VAT1L: variants seen among roughly 807,000 people sequenced by gnomAD.
VAT1L encodes the protein putative NADPH-dependent quinone oxidoreductase VAT1L.
VAT1L carries 34 observed loss-of-function variants against 44.1 expected under a neutral mutation model. The observed-to-expected ratio is 0.77, with a 90% CI of 0.59 to 1.03. VAT1L has a LOEUF of 1.03. Among genes scored for constraint, VAT1L ranks in the 50% least tolerant of loss-of-function variants. The pLI, the probability that VAT1L is intolerant of heterozygous loss-of-function variation, is 0.00. For missense variants in VAT1L, 615 were observed against 538.8 expected (o/e 1.14, Z -1.40); for synonymous variants, 253 against 202.2 (o/e 1.25, Z -2.13).
chr16:77,812,353 G>A (rs1374077126), intron 1 of VAT1L, among the ~76,000 whole-genome samples: 6 of 152,108 alleles, frequency 3.9e-5, no homozygotes, highest in Admixed American at 2.0e-4. Flanking sequence ...GATTACAGGC[G>A]TGAGCCACCA....
intron 7 of VAT1L, among the ~76,000 whole-genome samples, chr16:77,933,786 T>G (rs1276264773): frequency 6.6e-6 from 1 of 152,096 alleles, no homozygotes; most frequent in Non-Finnish European, 1.5e-5. Flanking sequence ...CAAATACGAC[T>G]GGAGCAAGGA....
intron 7 of VAT1L, among the ~76,000 whole-genome samples, chr16:77,909,095 C>G (rs969510744): frequency 2.6e-5 from 4 of 152,076 alleles, no homozygotes; most frequent in Non-Finnish European, 5.9e-5. Flanking sequence ...TTTATAAGGG[C>G]TGTATTTCAT....
At chr16:77,795,282 G>T (rs1432325015) in intron 1 of VAT1L, among the ~76,000 whole-genome samples, 3 of 142,690 alleles carry the variant, frequency 2.1e-5, no homozygotes, top group Non-Finnish European at 3.1e-5. Flanking sequence ...TACAGTGGGG[G>T]CGGGGGGAAA....
At chr16:77,821,152 T>C (rs1396879651) in intron 2 of VAT1L, among the ~76,000 whole-genome samples, 1 of 152,334 alleles carries the variant, frequency 6.6e-6, no homozygotes, top group East Asian at 1.9e-4. Context: ...TGAGAATCCA[T>C]AAATCAATAA....
In VAT1L at chr16:77,969,152, G is replaced by A. The variant is rs145834911; in HGVS notation, c.1078-2698G>A. ...TTATCTTTAAAGCAAAATTAGGAAT[G>A]CTTCTGTTCTCAAGATATCGAGATA... On this transcript the variant is annotated intron_variant, in intron 7 of 8. Coordinates refer to ENST00000302536, the MANE Select transcript of VAT1L (RefSeq NM_020927.3). 3.3e-3 allele frequency among the ~76,000 whole-genome samples: 496 copies of A among 152,322 alleles called. 1 individual carries two copies. The highest frequency in any genetic ancestry group is 7.5e-3 in the Admixed American group (115 of 15,296).
chr16:77,805,653 G>A (rs1243888940), intron 1 of VAT1L, among the ~76,000 whole-genome samples: 3 of 151,088 alleles, frequency 2.0e-5, no homozygotes, highest in Non-Finnish European at 3.0e-5. Context: ...TTAAAGTTCC[G>A]AGGCAGAGGG....
Position 77,960,432 on chromosome 16 carries a change from A to G in VAT1L, c.1078-11418A>G, listed in dbSNP as rs114536021. Among the ~76,000 whole-genome samples the G allele has an allele frequency of 6.2e-3, 951 of 152,270 alleles. 14 individuals are homozygous for G. Among genetic ancestry groups the G allele is most frequent in the African/African-American group, 0.022 (916 of 41,568 alleles). ...CAGAAACTAGCCACAGTAGGAAGAT[A>G]TTACCCACCCTGGGCCTGAAGGGGC... On this transcript the variant is annotated intron_variant, in intron 7 of 8. Coordinates refer to ENST00000302536, the MANE Select transcript of VAT1L (RefSeq NM_020927.3).
At chr16:77,926,125 C>T (rs955209985) in intron 7 of VAT1L, among the ~76,000 whole-genome samples, 3 of 151,498 alleles carry the variant, frequency 2.0e-5, no homozygotes, top group East Asian at 3.9e-4. Flanking sequence ...TGGTGGCGGG[C>T]GCCTGTAGTC....
At chr16:77,853,328 AGG>A (rs777421769) in intron 3 of VAT1L, among the ~76,000 whole-genome samples, 3 of 152,206 alleles carry the variant, frequency 2.0e-5, no homozygotes, top group Non-Finnish European at 4.4e-5. Flanking sequence ...AGCCTCAACT[AGG>A]AAAAGAGGAA....
chr16:77,911,166 A>G (rs73564430), intron 7 of VAT1L, among the ~76,000 whole-genome samples: 5,317 of 152,324 alleles, frequency 0.035, 312 homozygotes, highest in African/African-American at 0.12. Context: ...CTGATTCACA[A>G]TGAAAAACAT....
chr16:77,947,776 G>A (rs949980115), intron 7 of VAT1L, among the ~76,000 whole-genome samples: 2 of 152,130 alleles, frequency 1.3e-5, no homozygotes, highest in African/African-American at 4.8e-5. Context: ...TGTTTTTGAG[G>A]TGGAGTTTCG....
In VAT1L at chr16:77,896,087, C is replaced by T. The variant is rs186505259; in HGVS notation, c.1077+11285C>T. Reference sequence around the variant, plus strand: ...GACCTCGAATGGAGGGGAGAGGAAACGGGATAGGAGGAATTCCCGCCAACC... The same window carrying T: ...GACCTCGAATGGAGGGGAGAGGAAATGGGATAGGAGGAATTCCCGCCAACC... On this transcript the variant is annotated intron_variant, in intron 7 of 8. Coordinates refer to ENST00000302536, the MANE Select transcript of VAT1L (RefSeq NM_020927.3). 4.7e-3 allele frequency among the ~76,000 whole-genome samples: 709 copies of T among 152,302 alleles called. 4 individuals carry two copies. Among genetic ancestry groups the T allele is most frequent in the Non-Finnish European group, 7.1e-3 (481 of 68,014 alleles).
intron 2 of VAT1L, among the ~76,000 whole-genome samples, chr16:77,823,257 C>T (rs1470866211): frequency 2.0e-5 from 3 of 151,978 alleles, no homozygotes; most frequent in East Asian, 1.9e-4. Flanking sequence ...ATCTTTGGAC[C>T]GATATCTGAA....
chr16:77,901,557 T>A (rs1043213997), intron 7 of VAT1L, among the ~76,000 whole-genome samples: 1 of 152,212 alleles, frequency 6.6e-6, no homozygotes, highest in Non-Finnish European at 1.5e-5. Context: ...ACCTGGGTCC[T>A]ATCAAGTGCC....
chr16:77,791,308 A>G (rs3909913), intron 1 of VAT1L, among the ~76,000 whole-genome samples: 79,454 of 152,018 alleles, frequency 0.52, 21,870 homozygotes, highest in Non-Finnish European at 0.6. Context: ...TTGTCATAAT[A>G]GGATATGCTT....
At chr16:77,823,955 G>A (rs1370513997) in intron 2 of VAT1L, among the ~76,000 whole-genome samples, 2 of 152,170 alleles carry the variant, frequency 1.3e-5, no homozygotes, top group African/African-American at 4.8e-5. Context: ...CCTGGGAGGC[G>A]GAGGTTGCAT....
In VAT1L at chr16:77,946,080, G is replaced by C. The variant is rs191846335; in HGVS notation, c.1078-25770G>C. Among the ~76,000 whole-genome samples, 10 of 151,922 alleles carry C rather than the reference G, an allele frequency of 6.6e-5. No homozygotes were observed. The East Asian group carries it at 1.8e-3, about 27-fold the overall frequency. On this transcript the variant is annotated intron_variant, in intron 7 of 8. Transcript: ENST00000302536. ...CTCCCAAAGTGCTAGGATTACAGGC[G>C]TGAGCTACCACACCCGGCCAGGGCT...
chr16:77,896,738 C>A (rs2017328881), intron 7 of VAT1L, among the ~76,000 whole-genome samples: 2 of 152,342 alleles, frequency 1.3e-5, no homozygotes, highest in South Asian at 4.1e-4. Context: ...CAGCGTGTTG[C>A]AGAATTAGGC....
In VAT1L at chr16:77,978,745, T is replaced by C. The variant is rs1426120675; in HGVS notation, c.*1050T>C. ...CAGATGTACAGTTCCTCCCCTCCCA[T>C]ATATAAACCCCGGTGTAGAATCTGC... On this transcript the variant is annotated 3_prime_UTR_variant, in exon 9 of 9. Coordinates refer to ENST00000302536, the MANE Select transcript of VAT1L (RefSeq NM_020927.3). 6.6e-6 allele frequency: 1 copy of C among 152,174 alleles called. No homozygotes were observed. The highest frequency in any genetic ancestry group is 6.5e-5 in the Admixed American group (1 of 15,274). 9.4% of individuals were successfully genotyped at this position (152,174 alleles called of 1,614,324 possible).
Sources: gnomAD v4.1 joint callset for allele counts (sites outside exome capture counted in the v4.1 genomes callset) on GRCh38, gnomAD v4.1.1 for gene constraint, MANE v1.5 for transcripts, NCBI Gene and HGNC (gene_info 2026-07-23, HGNC 2026-07-21) for gene names.